SLC25A33: variants seen among roughly 807,000 people sequenced by gnomAD.
The protein encoded by SLC25A33 is solute carrier family 25 member 33.
Under a neutral mutation model 35.5 loss-of-function variants are expected in SLC25A33, and 15 were observed. The observed-to-expected ratio is 0.42, with a 90% CI of 0.28 to 0.65. The LOEUF is 0.65. Ranked by LOEUF, SLC25A33 falls within the 30% of genes least tolerant of loss-of-function variation. The pLI is 0.20. For missense variants in SLC25A33, 257 were observed against 398.5 expected (o/e 0.64, Z 3.02); for synonymous variants, 136 against 148.7 (o/e 0.91, Z 0.62).
chr1:9,544,337 C>T (rs1478025316), intron 1 of SLC25A33, among the ~76,000 whole-genome samples: 5 of 150,172 alleles, frequency 3.3e-5, no homozygotes, highest in East Asian at 4.0e-4. Context: ...GGTGACATCT[C>T]GGCTCGCTGC....
At chr1:9,559,747 G>C (rs916891125) in intron 2 of SLC25A33, among the ~76,000 whole-genome samples, 10 of 152,130 alleles carry the variant, frequency 6.6e-5, no homozygotes, top group South Asian at 4.1e-4. Context: ...TACCATGTGG[G>C]TTGAAGCCAC....
intron 2 of SLC25A33, among the ~76,000 whole-genome samples, chr1:9,557,698 C>T (rs766327426): frequency 4.6e-5 from 7 of 152,160 alleles, no homozygotes; most frequent in South Asian, 4.1e-4. Context: ...AGGAAAGCTA[C>T]TTATCATTGT....
intron 1 of SLC25A33, among the ~76,000 whole-genome samples, chr1:9,548,474 C>T (rs1643212912): frequency 6.6e-6 from 1 of 152,042 alleles, no homozygotes; most frequent in Non-Finnish European, 1.5e-5. Context: ...CCCAGGAACT[C>T]ATGAGGGTGA....
chr1:9,559,340 C>G (rs1368317733), intron 2 of SLC25A33, among the ~76,000 whole-genome samples: 3 of 152,116 alleles, frequency 2.0e-5, no homozygotes, highest in Admixed American at 1.3e-4. Context: ...GAGAATGTTG[C>G]CTGTCACATA....
Position 9,551,695 on chromosome 1 carries a change from C to CT in SLC25A33, c.57-1921dup, listed in dbSNP as rs895903947. 3.2e-3 allele frequency among the ~76,000 whole-genome samples: 479 copies of CT among 150,264 alleles called. 2 individuals are homozygous for CT. Among genetic ancestry groups the CT allele is most frequent in the Middle Eastern group, 0.014 (4 of 294 alleles). ...GGAGCTCCCAGTCTAATGAGAAAGA[C>CT]TTTTTTTTTTCAAATACTTAGAAAC... On this transcript the variant is annotated intron_variant, in intron 1 of 6. Transcript: ENST00000302692.
At position 9,583,535 on chromosome 1, in the gene SLC25A33, A is replaced by G. The variant is rs1426627343; in HGVS notation, c.*1034A>G. The G allele has an allele frequency of 6.6e-6, 1 of 152,150 alleles. No homozygotes were observed. Among genetic ancestry groups the G allele is most frequent in the African/African-American group, 2.4e-5 (1 of 41,432 alleles). 9.4% of individuals were successfully genotyped at this position (152,150 alleles called of 1,614,324 possible). On this transcript the variant is annotated 3_prime_UTR_variant, in exon 7 of 7. Coordinates refer to ENST00000302692, the MANE Select transcript of SLC25A33 (RefSeq NM_032315.3). ...TGTTAAGTGTGTTGACAGCACAGCTACCCTGTTTGGCTGTGAATCCAGAAT... is the reference window on the plus strand; with the variant it reads ...TGTTAAGTGTGTTGACAGCACAGCTGCCCTGTTTGGCTGTGAATCCAGAAT...
intron 1 of SLC25A33, among the ~76,000 whole-genome samples, chr1:9,540,262 T>A (rs1223476769): frequency 1.3e-5 from 2 of 152,090 alleles, no homozygotes; most frequent in Non-Finnish European, 1.5e-5. Context: ...GTGGTGCTGG[T>A]GAACGGTGAT....
intron 1 of SLC25A33, among the ~76,000 whole-genome samples, chr1:9,550,363 G>A (rs368113091): frequency 1.3e-5 from 2 of 152,142 alleles, no homozygotes; most frequent in East Asian, 3.9e-4. Flanking sequence ...ATGACAGTTG[G>A]CCAAAGTAAT....
At chr1:9,562,537 T>C (rs932365237) in intron 2 of SLC25A33, among the ~76,000 whole-genome samples, 2 of 151,972 alleles carry the variant, frequency 1.3e-5, no homozygotes, top group Non-Finnish European at 2.9e-5. Flanking sequence ...CTACTGTCTC[T>C]GCATAATATT....
intron 1 of SLC25A33, among the ~76,000 whole-genome samples, chr1:9,546,014 TTCAA>T (rs1643163437): frequency 6.6e-6 from 1 of 151,242 alleles, no homozygotes; most frequent in East Asian, 2.0e-4. Context: ...GCAGAAAAAA[TTCAA>T]TTAGTAGTTT....
intron 1 of SLC25A33, among the ~76,000 whole-genome samples, chr1:9,547,851 A>ATTTTGT (rs757973516): frequency 8.1e-5 from 11 of 136,504 alleles, no homozygotes; most frequent in East Asian, 2.2e-4. Context: ...TTTTGTTTTG[A>ATTTTGT]TTTTGTTTTT....
chr1:9,576,393 T>G (rs1643661229), intron 5 of SLC25A33: 3 of 363,878 alleles, frequency 8.2e-6, no homozygotes, highest in South Asian at 6.3e-5. Flanking sequence ...ATCTTAAGAA[T>G]AGCCAGGTGG....
chr1:9,570,261 T>A lies in SLC25A33; in HGVS notation c.318T>A (p.Ala106=). Residue 106 remains alanine, a synonymous_variant, in exon 4 of 7, where the codon GCT becomes GCA. Transcript: ENST00000302692. ...PNLVGVAPSR[A]VYFACYSKAK... ...AATGTTCTCTTTGTTCTAACAGGGC[T>A]GTATACTTTGCATGTTACTCCAAAG... 2 of 1,613,348 alleles carry A rather than the reference T, an allele frequency of 1.2e-6. No individual in the cohort carries two copies. Among genetic ancestry groups the A allele is most frequent in the Non-Finnish European group, 1.7e-6 (2 of 1,179,570 alleles).
chr1:9,577,177 G>T (rs57695837), intron 5 of SLC25A33, among the ~76,000 whole-genome samples: 2,813 of 152,252 alleles, frequency 0.018, 87 homozygotes, highest in African/African-American at 0.063. Flanking sequence ...GCATGGTTAG[G>T]CTGGACTCGG....
At chr1:9,570,088 C>T (rs1392284529) in intron 3 of SLC25A33, among the ~76,000 whole-genome samples, 170 bp from the exon 4 acceptor site, 1 of 152,180 alleles carries the variant, frequency 6.6e-6, no homozygotes, top group East Asian at 1.9e-4. Flanking sequence ...ACAGGAGCTT[C>T]CTGAACGTGC....
intron 2 of SLC25A33, among the ~76,000 whole-genome samples, chr1:9,566,238 ACTGTGTTGCTCAGG>A (rs1292181623): frequency 6.6e-6 from 1 of 151,982 alleles, no homozygotes; most frequent in African/African-American, 2.4e-5. Flanking sequence ...TGGGGTTTAT[ACTGTGTTGCTCAGG>A]CTGGTCTGGA....
intron 2 of SLC25A33, among the ~76,000 whole-genome samples, chr1:9,557,557 G>T (rs528698298): frequency 2.0e-5 from 3 of 151,846 alleles, no homozygotes; most frequent in Non-Finnish European, 4.4e-5. Flanking sequence ...AAAATTAGCC[G>T]GGCATGTTGG....
chr1:9,555,180 C>G (rs1001872187), intron 2 of SLC25A33, among the ~76,000 whole-genome samples: 1 of 130,902 alleles, frequency 7.6e-6, no homozygotes, highest in Non-Finnish European at 1.5e-5. Context: ...TGCAGTGGTG[C>G]GATCTCCACT....
At chr1:9,548,490 G>A (rs2100372722) in intron 1 of SLC25A33, among the ~76,000 whole-genome samples, 1 of 152,296 alleles carries the variant, frequency 6.6e-6, no homozygotes, top group South Asian at 2.1e-4. Context: ...GGTGAGGCAT[G>A]AGAATCACTT....
Sources: gnomAD v4.1 joint callset for allele counts (sites outside exome capture counted in the v4.1 genomes callset) on GRCh38, gnomAD v4.1.1 for gene constraint, MANE v1.5 for transcripts, NCBI Gene and HGNC (gene_info 2026-07-23, HGNC 2026-07-21) for gene names.